TTC28: variants seen among roughly 807,000 people sequenced by gnomAD.
TTC28 encodes tetratricopeptide repeat protein 28.
In TTC28, 61 loss-of-function variants were observed where a neutral mutation model predicts 198.0. The ratio of observed to expected loss-of-function variants is 0.31; its 90% CI spans 0.25 to 0.38. The LOEUF is 0.38. Ranked by LOEUF, TTC28 falls within the 10% of genes least tolerant of loss-of-function variation. TTC28 has a pLI of 1.00. For synonymous variants in TTC28, 1,171 were observed against 1,297.8 expected, an observed-to-expected ratio of 0.90 and a Z score of 2.10; for missense variants, 2,678 against 3,164.0, an observed-to-expected ratio of 0.85 and a Z score of 3.69.
intron 5 of TTC28, among the ~76,000 whole-genome samples, chr22:28,230,444 C>T (rs1028547940): frequency 6.6e-6 from 1 of 152,190 alleles, no homozygotes; most frequent in East Asian, 1.9e-4. Flanking sequence ...TAGGTGACTA[C>T]AACATAAGAC....
At chr22:28,251,296 C>CT (rs1930490473) in intron 5 of TTC28, among the ~76,000 whole-genome samples, 2 of 152,134 alleles carry the variant, frequency 1.3e-5, no homozygotes, top group African/African-American at 4.8e-5. Context: ...CAGGAGTCAG[C>CT]CAAATCATAC....
intron 6 of TTC28, among the ~76,000 whole-genome samples, chr22:28,155,579 A>G (rs1319443657): frequency 6.6e-6 from 1 of 152,240 alleles, no homozygotes; most frequent in Non-Finnish European, 1.5e-5. Flanking sequence ...AATGAATGGT[A>G]TTTGGGATAA....
At chr22:28,306,422 A>G in intron 3 of TTC28, 74 bp downstream of exon 3, 1 of 1,473,184 alleles carries the variant, frequency 6.8e-7, no homozygotes, top group Non-Finnish European at 9.1e-7. Flanking sequence ...TCTGTGCCTG[A>G]GCCTAAAGTC....
At chr22:28,204,562 AAT>A (rs1926238057) in intron 5 of TTC28, among the ~76,000 whole-genome samples, 3 of 152,108 alleles carry the variant, frequency 2.0e-5, no homozygotes. Flanking sequence ...CCATGTGTCC[AAT>A]ACCATAAACA....
chr22:28,455,184 G>A (rs1422944808), intron 2 of TTC28, among the ~76,000 whole-genome samples: 1 of 152,132 alleles, frequency 6.6e-6, no homozygotes, highest in Non-Finnish European at 1.5e-5. Flanking sequence ...AGTGTTCTGG[G>A]TATAGAACAC....
At chr22:28,169,866 G>A (rs983794069) in intron 5 of TTC28, among the ~76,000 whole-genome samples, 1 of 151,356 alleles carries the variant, frequency 6.6e-6, no homozygotes, top group African/African-American at 2.4e-5. Flanking sequence ...GATTAAATTG[G>A]GGAATTTTAA....
intron 2 of TTC28, among the ~76,000 whole-genome samples, chr22:28,447,063 A>G (rs772952221): frequency 2.6e-5 from 4 of 152,208 alleles, no homozygotes; most frequent in Non-Finnish European, 5.9e-5. Context: ...CAATGGCAGC[A>G]GAAGAGCTAG....
chr22:28,358,974 T>C (rs1273880461), intron 2 of TTC28, among the ~76,000 whole-genome samples: 1 of 152,198 alleles, frequency 6.6e-6, no homozygotes, highest in Non-Finnish European at 1.5e-5. Context: ...TTCTTACCTA[T>C]GAAGTACTAT....
Position 28,264,697 on chromosome 22 carries a change from T to C in TTC28, c.933+31501A>G, listed in dbSNP as rs1931561790. Among the ~76,000 whole-genome samples, 3 of 152,240 alleles carry C rather than the reference T, an allele frequency of 2.0e-5. No homozygotes were observed. The South Asian group carries it at 6.2e-4, about 32-fold the overall frequency. ...AGACTGCCTTGGTTGTGGAGAATGT[T>C]AAAAACTGCCAGGTTTCTGCATGGA... On this transcript the variant is annotated intron_variant, in intron 5 of 22. Transcript: ENST00000397906.
At chr22:28,319,350 T>C (rs530323837) in intron 2 of TTC28, among the ~76,000 whole-genome samples, 2 of 152,150 alleles carry the variant, frequency 1.3e-5, no homozygotes, top group Non-Finnish European at 2.9e-5. Context: ...TTCTTGAACT[T>C]TGCTTTCCCA....
At chr22:28,422,795 A>G (rs1227527084) in intron 2 of TTC28, among the ~76,000 whole-genome samples, 2 of 152,168 alleles carry the variant, frequency 1.3e-5, no homozygotes, top group African/African-American at 4.8e-5. Flanking sequence ...AAAGCATTTT[A>G]AAAATCAGAT....
chr22:28,333,149 G>A (rs940854445), intron 2 of TTC28, among the ~76,000 whole-genome samples: 1 of 151,998 alleles, frequency 6.6e-6, no homozygotes, highest in Non-Finnish European at 1.5e-5. Flanking sequence ...TACAAGAACC[G>A]ATTTAGTCTA....
intron 12 of TTC28, among the ~76,000 whole-genome samples, chr22:28,039,806 T>G (rs1939538237): frequency 6.6e-6 from 1 of 152,092 alleles, no homozygotes; most frequent in African/African-American, 2.4e-5. Context: ...AGGAGCCTTT[T>G]TTAAAAGATC....
chr22:28,576,597 G>A (rs1243621381), intron 2 of TTC28, among the ~76,000 whole-genome samples: 2 of 152,054 alleles, frequency 1.3e-5, no homozygotes, highest in Non-Finnish European at 2.9e-5. Context: ...AAATTCAGCA[G>A]TTAAGCCATC....
intron 2 of TTC28, among the ~76,000 whole-genome samples, chr22:28,382,604 T>C (rs536823282): frequency 1.3e-5 from 2 of 152,290 alleles, no homozygotes; most frequent in African/African-American, 4.8e-5. Flanking sequence ...TTAGATCAAA[T>C]CCACATCTTC....
At chr22:28,273,325 C>T (rs1045708138) in intron 5 of TTC28, among the ~76,000 whole-genome samples, 2 of 151,672 alleles carry the variant, frequency 1.3e-5, no homozygotes, top group Non-Finnish European at 2.9e-5. Flanking sequence ...TATAAATGAA[C>T]CCACAAATTA....
intron 2 of TTC28, among the ~76,000 whole-genome samples, chr22:28,515,526 T>C (rs551840557): frequency 2.0e-5 from 3 of 152,294 alleles, no homozygotes; most frequent in Admixed American, 2.0e-4. Flanking sequence ...GCTAAAGTAG[T>C]TTAGCAAATA....
intron 12 of TTC28, among the ~76,000 whole-genome samples, chr22:28,075,753 C>G (rs1941146216): frequency 6.6e-6 from 1 of 152,224 alleles, no homozygotes; most frequent in African/African-American, 2.4e-5. Flanking sequence ...TCTCCCCTCA[C>G]CCTTTAGGGC....
At chr22:28,399,111 A>T (rs1421864042) in intron 2 of TTC28, among the ~76,000 whole-genome samples, 2 of 151,238 alleles carry the variant, frequency 1.3e-5, no homozygotes, top group East Asian at 3.9e-4. Context: ...CTTCAACTCT[A>T]CCAGACTTTT....
Sources: allele counts gnomAD v4.1 joint callset (sites outside exome capture counted in the v4.1 genomes callset), GRCh38; gene constraint gnomAD v4.1.1; transcripts MANE v1.5; gene names NCBI Gene and HGNC (gene_info 2026-07-23, HGNC 2026-07-21).